The following HS6ST2 variants were observed in gnomAD, a reference collection of about 807,000 sequenced individuals.
HS6ST2 encodes the protein heparan sulfate 6-O-sulfotransferase 2.
HS6ST2 carries 17 observed loss-of-function variants against 33.0 expected under a neutral mutation model. That is an observed-to-expected ratio of 0.52 (90% confidence interval 0.35 to 0.77). The LOEUF is 0.77. Ranked by LOEUF, HS6ST2 falls within the 30% of genes least tolerant of loss-of-function variation. The pLI is 0.01. For synonymous variants in HS6ST2, 248 were observed against 237.1 expected, an observed-to-expected ratio of 1.05 and a Z score of -0.42; for missense variants, 519 against 551.7, an observed-to-expected ratio of 0.94 and a Z score of 0.59.
chrX:132,790,249 T>C (rs1399214654), intron 2 of HS6ST2, among the ~76,000 whole-genome samples: 1 of 112,153 alleles, frequency 8.9e-6, no homozygotes, highest in Non-Finnish European at 1.9e-5. Flanking sequence ...ACCATGCACA[T>C]CGAGGCAAGA....
chrX:132,724,678 A>G (rs375427255), intron 2 of HS6ST2, among the ~76,000 whole-genome samples: 1 of 112,072 alleles, frequency 8.9e-6, no homozygotes, highest in East Asian at 2.8e-4. Context: ...ACGGAACCAC[A>G]AAAGACCCAG....
chrX:132,719,617 T>G (rs1290272908), intron 2 of HS6ST2, among the ~76,000 whole-genome samples: 1 of 112,116 alleles, frequency 8.9e-6, no homozygotes, highest in Non-Finnish European at 1.9e-5. Context: ...TATGTGCTTT[T>G]CACACTAGCA....
chrX:132,940,195 C>A (rs905174283), intron 2 of HS6ST2, among the ~76,000 whole-genome samples: 2 of 111,830 alleles, frequency 1.8e-5, no homozygotes, highest in African/African-American at 6.5e-5. Context: ...TAAAGAAAAA[C>A]AGTCTTCAAC....
chrX:132,795,620 T>A (rs570704066), intron 2 of HS6ST2, among the ~76,000 whole-genome samples: 2 of 111,823 alleles, frequency 1.8e-5, no homozygotes, highest in African/African-American at 6.5e-5. Flanking sequence ...ACCTTTTTTT[T>A]TATGAAACAG....
intron 2 of HS6ST2, among the ~76,000 whole-genome samples, chrX:132,905,534 CCATGTATTCCT>C (rs1415428921): frequency 8.9e-6 from 1 of 112,305 alleles, no homozygotes; most frequent in East Asian, 2.8e-4. Context: ...ATGTCAAATT[CCATGTATTCCT>C]GGATCTGTTT....
intron 3 of HS6ST2, among the ~76,000 whole-genome samples, chrX:132,681,350 T>C (rs1020240948): frequency 8.9e-5 from 10 of 112,570 alleles, no homozygotes; most frequent in Admixed American, 1.9e-4. Flanking sequence ...CAAATATGGT[T>C]ATAACTTCCC....
intron 2 of HS6ST2, among the ~76,000 whole-genome samples, chrX:132,824,866 G>T (rs1032180896): frequency 8.9e-6 from 1 of 111,964 alleles, no homozygotes; most frequent in African/African-American, 3.2e-5. Flanking sequence ...AATCCACAAG[G>T]CTATAGAGGC....
chrX:132,867,470 G>C (rs2066001639), intron 2 of HS6ST2, among the ~76,000 whole-genome samples: 1 of 111,077 alleles, frequency 9.0e-6, no homozygotes. Flanking sequence ...GCCCGGCTTT[G>C]GTATCAGGAT....
chrX:132,847,219 A>G (rs1401212750), intron 2 of HS6ST2, among the ~76,000 whole-genome samples: 1 of 111,729 alleles, frequency 9.0e-6, no homozygotes, highest in Non-Finnish European at 1.9e-5. Flanking sequence ...TATGGACACA[A>G]GTGGCTTGAA....
At chrX:132,639,217 G>A (rs752676305) in intron 4 of HS6ST2, among the ~76,000 whole-genome samples, 5 of 111,849 alleles carry the variant, frequency 4.5e-5, no homozygotes, top group African/African-American at 1.6e-4. Flanking sequence ...AGCCCAGTAG[G>A]TTTCAAAGTA....
intron 2 of HS6ST2, among the ~76,000 whole-genome samples, chrX:132,924,096 G>A (rs938846016): frequency 2.3e-4 from 26 of 112,051 alleles, no homozygotes; most frequent in Non-Finnish European, 3.9e-4. Context: ...CACAAGCTAC[G>A]ATACGTAACT....
intron 2 of HS6ST2, among the ~76,000 whole-genome samples, chrX:132,750,810 C>T (rs1452616728): frequency 8.9e-6 from 1 of 112,422 alleles, no homozygotes; most frequent in East Asian, 2.8e-4. Flanking sequence ...AGTATTCACC[C>T]CTGTGCTTGG....
chrX:132,819,370 G>A (rs1401869500), intron 2 of HS6ST2, among the ~76,000 whole-genome samples: 2 of 111,344 alleles, frequency 1.8e-5, no homozygotes, highest in African/African-American at 6.5e-5. Context: ...ATGAAAACTT[G>A]CAAAACCTGG....
At chrX:132,905,120 A>G (rs2066459545) in intron 2 of HS6ST2, among the ~76,000 whole-genome samples, 1 of 111,409 alleles carries the variant, frequency 9.0e-6, no homozygotes, top group Non-Finnish European at 1.9e-5. Flanking sequence ...TGTATTCCAG[A>G]TAACCAACAA....
intron 2 of HS6ST2, among the ~76,000 whole-genome samples, chrX:132,787,186 TAC>T (rs112250855): frequency 0.028 from 2,157 of 77,023 alleles, 145 homozygotes; most frequent in African/African-American, 0.094. Context: ...TATATATATA[TAC>T]ATATATATAT....
chrX:132,956,766 C>T (rs1391577911), intron 2 of HS6ST2, 42 bp downstream of exon 2: 5 of 1,124,915 alleles, frequency 4.4e-6, no homozygotes, highest in Non-Finnish European at 5.9e-6. Context: ...GCCCTCCGCC[C>T]GCCTAGGCCC....
intron 2 of HS6ST2, among the ~76,000 whole-genome samples, chrX:132,713,575 T>A (rs765450912): frequency 1.8e-5 from 2 of 111,975 alleles, no homozygotes; most frequent in Non-Finnish European, 3.8e-5. Context: ...CCGCTCTTAA[T>A]TCCTCCTTGT....
At chrX:132,849,960 A>C (rs917783091) in intron 2 of HS6ST2, among the ~76,000 whole-genome samples, 1 of 112,167 alleles carries the variant, frequency 8.9e-6, no homozygotes, top group African/African-American at 3.2e-5. Flanking sequence ...TGATTTGACC[A>C]AGATCACATA....
chrX:132,784,396 G>A (rs1373958027), intron 2 of HS6ST2, among the ~76,000 whole-genome samples: 2 of 111,267 alleles, frequency 1.8e-5, no homozygotes, highest in Non-Finnish European at 3.8e-5. Flanking sequence ...CACAACCGGC[G>A]CCTCCCAGGT....
Sources: gnomAD v4.1 joint callset for allele counts (sites outside exome capture counted in the v4.1 genomes callset) on GRCh38, gnomAD v4.1.1 for gene constraint, MANE v1.5 for transcripts, NCBI Gene and HGNC (gene_info 2026-07-23, HGNC 2026-07-21) for gene names.